The following CADM2 variants were observed in gnomAD, a reference collection of about 807,000 sequenced individuals.
CADM2 encodes the protein cell adhesion molecule 2.
A neutral mutation model predicts 49.8 loss-of-function variants in CADM2; 12 were observed. The observed-to-expected ratio is 0.24, with a 90% CI of 0.15 to 0.39. CADM2 has a LOEUF of 0.39. Among genes scored for constraint, CADM2 ranks in the 10% least tolerant of loss-of-function variants. CADM2 has a pLI of 1.00. For missense variants in CADM2, 378 were observed against 492.3 expected (o/e 0.77, Z 2.20); for synonymous variants, 214 against 175.4 (o/e 1.22, Z -1.74).
At chr3:85,715,882 C>T (rs1404986625) in intron 1 of CADM2, among the ~76,000 whole-genome samples, 2 of 152,164 alleles carry the variant, frequency 1.3e-5, no homozygotes, top group Non-Finnish European at 1.5e-5. Flanking sequence ...ATATGTGCCA[C>T]AATTTCTTTA....
At chr3:85,858,476 A>C (rs1429055007) in intron 3 of CADM2, among the ~76,000 whole-genome samples, 1 of 152,220 alleles carries the variant, frequency 6.6e-6, no homozygotes, top group East Asian at 1.9e-4. Context: ...TGCAAAATAT[A>C]TAAAGCAGTT....
chr3:85,803,736 T>C (rs1233906020), intron 3 of CADM2, among the ~76,000 whole-genome samples: 5 of 152,078 alleles, frequency 3.3e-5, no homozygotes, highest in Admixed American at 3.3e-4. Context: ...CTTCCACTGA[T>C]TGAGTGTCTC....
chr3:85,734,329 A>G (rs1364811508), intron 2 of CADM2, among the ~76,000 whole-genome samples: 2 of 152,006 alleles, frequency 1.3e-5, no homozygotes, highest in African/African-American at 2.4e-5. Context: ...AAATAGGAGA[A>G]GTCATGTAAT....
intron 1 of CADM2, among the ~76,000 whole-genome samples, chr3:85,193,221 AT>A (rs956947784): frequency 1.3e-4 from 20 of 152,206 alleles, no homozygotes; most frequent in Non-Finnish European, 2.5e-4. Flanking sequence ...GTCTGACTTC[AT>A]TTTTAACTGG....
chr3:86,016,143 TA>T (rs920511521), intron 8 of CADM2, among the ~76,000 whole-genome samples: 3 of 152,240 alleles, frequency 2.0e-5, no homozygotes, highest in South Asian at 2.1e-4. Flanking sequence ...TTTGATACAC[TA>T]TTTTTTTAGT....
chr3:85,340,781 AT>A (rs111279620), intron 1 of CADM2, among the ~76,000 whole-genome samples: 1,901 of 151,114 alleles, frequency 0.013, 30 homozygotes, highest in African/African-American at 0.042. Flanking sequence ...CTCATCCATA[AT>A]TTTTTTTTAA....
intron 1 of CADM2, among the ~76,000 whole-genome samples, chr3:85,391,633 T>G (rs2034522647): frequency 6.6e-6 from 1 of 152,208 alleles, no homozygotes; most frequent in Admixed American, 6.5e-5. Context: ...TTGATAAGGA[T>G]ACTAAAATTA....
At chr3:85,059,945 T>G (rs2036241179) in intron 1 of CADM2, among the ~76,000 whole-genome samples, 1 of 151,924 alleles carries the variant, frequency 6.6e-6, no homozygotes, top group Non-Finnish European at 1.5e-5. Flanking sequence ...TATGAACCTG[T>G]TAAGTATATA....
chr3:85,795,467 G>A (rs540684079), intron 2 of CADM2, among the ~76,000 whole-genome samples: 1 of 152,194 alleles, frequency 6.6e-6, no homozygotes, highest in South Asian at 2.1e-4. Context: ...TTGACTGCAG[G>A]GATTTTAGGC....
intron 1 of CADM2, among the ~76,000 whole-genome samples, chr3:85,239,865 A>G (rs965849935): frequency 1.3e-5 from 2 of 151,466 alleles, no homozygotes; most frequent in African/African-American, 4.8e-5. Context: ...CATGGAGTTT[A>G]TCAGTGCACA....
chr3:85,611,294 C>T (rs1232694125), intron 1 of CADM2, among the ~76,000 whole-genome samples: 1 of 151,104 alleles, frequency 6.6e-6, no homozygotes, highest in Non-Finnish European at 1.5e-5. Flanking sequence ...TCTGATGATG[C>T]TGGTGCTAAT....
chr3:85,398,881 C>T (rs1486166948), intron 1 of CADM2, among the ~76,000 whole-genome samples: 1 of 152,048 alleles, frequency 6.6e-6, no homozygotes, highest in Admixed American at 6.6e-5. Context: ...TGTTTGAGTT[C>T]TTTGTAGATT....
At chr3:85,736,051 A>G (rs1229062118) in intron 2 of CADM2, among the ~76,000 whole-genome samples, 2 of 152,160 alleles carry the variant, frequency 1.3e-5, no homozygotes, top group Non-Finnish European at 2.9e-5. Context: ...CAAAAATGTT[A>G]GGACTTGTGG....
intron 1 of CADM2, among the ~76,000 whole-genome samples, chr3:85,172,148 C>A (rs916320811): frequency 5.9e-5 from 9 of 152,122 alleles, no homozygotes; most frequent in Admixed American, 6.5e-5. Context: ...AATTAGGTTA[C>A]CTGGGGATGA....
chr3:85,683,356 T>C (rs1329433498), intron 1 of CADM2, among the ~76,000 whole-genome samples: 2 of 152,184 alleles, frequency 1.3e-5, no homozygotes, highest in Admixed American at 1.3e-4. Context: ...GATTTGCTTA[T>C]GCTGTATGAT....
At chr3:85,931,255 G>A (rs1720551003) in intron 6 of CADM2, among the ~76,000 whole-genome samples, 1 of 151,746 alleles carries the variant, frequency 6.6e-6, no homozygotes. Flanking sequence ...AAGAGATAAA[G>A]AGAGAAAAAG....
chr3:85,587,478 A>G (rs4508796), intron 1 of CADM2, among the ~76,000 whole-genome samples: 77,978 of 151,922 alleles, frequency 0.51, 23,033 homozygotes, highest in East Asian at 0.85. Context: ...TTGTCTTGAC[A>G]TGGATTGCCA....
intron 1 of CADM2, among the ~76,000 whole-genome samples, chr3:84,970,538 A>T (rs939415420): frequency 3.9e-5 from 6 of 151,956 alleles, no homozygotes; most frequent in African/African-American, 1.4e-4. Context: ...TGACTGTTTC[A>T]TGACTCTTAG....
intron 3 of CADM2, among the ~76,000 whole-genome samples, chr3:85,849,907 C>T (rs2075028908): frequency 6.6e-6 from 1 of 152,084 alleles, no homozygotes; most frequent in Non-Finnish European, 1.5e-5. Flanking sequence ...AATGATTTAA[C>T]AGGCAGATGT....
Sources: gnomAD v4.1 joint callset for allele counts (sites outside exome capture counted in the v4.1 genomes callset) on GRCh38, gnomAD v4.1.1 for gene constraint, MANE v1.5 for transcripts, NCBI Gene and HGNC (gene_info 2026-07-23, HGNC 2026-07-21) for gene names.